GALNTL6: variants seen among roughly 807,000 people sequenced by gnomAD.
The protein encoded by GALNTL6 is polypeptide N-acetylgalactosaminyltransferase like 6.
A neutral mutation model predicts 73.7 loss-of-function variants in GALNTL6; 46 were observed. The observed-to-expected ratio is 0.62, with a 90% CI of 0.49 to 0.80. The LOEUF (loss-of-function observed/expected upper bound fraction) is 0.80. GALNTL6 is among the 30% of genes least tolerant of loss of function. The pLI is 0.00. For synonymous variants in GALNTL6, 259 were observed against 263.7 expected, an observed-to-expected ratio of 0.98 and a Z score of 0.17; for missense variants, 604 against 755.0, an observed-to-expected ratio of 0.80 and a Z score of 2.34.
At chr4:172,450,243 C>G (rs1041483904) in intron 5 of GALNTL6, among the ~76,000 whole-genome samples, 1 of 151,554 alleles carries the variant, frequency 6.6e-6, no homozygotes, top group South Asian at 2.1e-4. Flanking sequence ...AACAAACTTC[C>G]TCCCCCTAAA....
At chr4:172,339,244 A>C (rs1741457970) in intron 4 of GALNTL6, among the ~76,000 whole-genome samples, 1 of 139,722 alleles carries the variant, frequency 7.2e-6, no homozygotes, top group African/African-American at 2.7e-5. Flanking sequence ...CACCCAGCAA[A>C]CACACACACA....
At chr4:172,995,433 C>T (rs1751734697) in intron 10 of GALNTL6, among the ~76,000 whole-genome samples, 1 of 152,166 alleles carries the variant, frequency 6.6e-6, no homozygotes, top group African/African-American at 2.4e-5. Flanking sequence ...CTGTGGCTTT[C>T]CTTCAAAGCA....
intron 5 of GALNTL6, among the ~76,000 whole-genome samples, chr4:172,534,414 T>C (rs537024749): frequency 2.1e-4 from 32 of 152,212 alleles, no homozygotes; most frequent in South Asian, 8.3e-4. Flanking sequence ...CTTGAAATTT[T>C]ATTTTCTGTG....
intron 5 of GALNTL6, among the ~76,000 whole-genome samples, chr4:172,466,268 A>G (rs1194380589): frequency 6.6e-6 from 1 of 152,176 alleles, no homozygotes; most frequent in Non-Finnish European, 1.5e-5. Flanking sequence ...CTTAAAATTT[A>G]TTTTTGAAAA....
At chr4:172,770,423 T>C (rs1031776845) in intron 5 of GALNTL6, among the ~76,000 whole-genome samples, 2 of 152,070 alleles carry the variant, frequency 1.3e-5, no homozygotes, top group African/African-American at 2.4e-5. Context: ...TAATCAACAA[T>C]AGCAAAAAAG....
At chr4:172,424,592 G>A (rs568620821) in intron 5 of GALNTL6, among the ~76,000 whole-genome samples, 3 of 152,252 alleles carry the variant, frequency 2.0e-5, no homozygotes, top group South Asian at 2.1e-4. Context: ...TTCAGTGGGC[G>A]GAGGGTATGG....
intron 2 of GALNTL6, among the ~76,000 whole-genome samples, chr4:172,072,906 C>A (rs965420837): frequency 6.6e-6 from 1 of 152,144 alleles, no homozygotes; most frequent in East Asian, 1.9e-4. Flanking sequence ...AAAATATCAA[C>A]TTTCTGAATT....
intron 2 of GALNTL6, among the ~76,000 whole-genome samples, chr4:171,883,221 C>T (rs926693920): frequency 1.3e-5 from 2 of 151,836 alleles, no homozygotes; most frequent in Non-Finnish European, 1.5e-5. Flanking sequence ...CTCATGGTGG[C>T]GCACCCTGTA....
At chr4:173,021,431 C>A in intron 11 of GALNTL6, 45 bp from the exon 12 acceptor site, 1 of 1,607,270 alleles carries the variant, frequency 6.2e-7, no homozygotes, top group East Asian at 2.2e-5. Context: ...ATCTTCTCTC[C>A]AAAACAAACT....
chr4:172,463,827 A>AT (rs1322459820), intron 5 of GALNTL6, among the ~76,000 whole-genome samples: 1 of 152,148 alleles, frequency 6.6e-6, no homozygotes, highest in Non-Finnish European at 1.5e-5. Context: ...TACTTGCATG[A>AT]TTTTCTATTG....
intron 5 of GALNTL6, among the ~76,000 whole-genome samples, chr4:172,709,577 T>C (rs1259451609): frequency 6.6e-6 from 1 of 152,120 alleles, no homozygotes; most frequent in Non-Finnish European, 1.5e-5. Context: ...TTGATGTGTT[T>C]ATTCTCTGAA....
In GALNTL6 at chr4:172,206,805, G is replaced by GTTTGAT. The variant is rs1554003003; in HGVS notation, c.139-22848_139-22847insGATTTT. ...TTGTTTTGTTTTGTTTTGTTTTTCTGTTTTTTTTGTTTGTTTTTTTTTTTT... is the reference window on the plus strand; with the variant it reads ...TTGTTTTGTTTTGTTTTGTTTTTCTGTTTGATTTTTTTTTGTTTGTTTTTTTTTTTT... On this transcript the variant is annotated intron_variant, in intron 2 of 12. Transcript: ENST00000506823. Among the ~76,000 whole-genome samples, 2 of 26,130 alleles carry GTTTGAT rather than the reference G, an allele frequency of 7.7e-5. 1 individual carries two copies. Among genetic ancestry groups the GTTTGAT allele is most frequent in the Non-Finnish European group, 1.7e-4 (2 of 11,868 alleles). 17.1% of individuals were successfully genotyped at this position (26,130 alleles called of 152,430 possible).
chr4:172,081,463 C>T (rs1041171066), intron 2 of GALNTL6, among the ~76,000 whole-genome samples: 2 of 152,138 alleles, frequency 1.3e-5, no homozygotes, highest in Non-Finnish European at 2.9e-5. Context: ...CATGGTGAAA[C>T]CCCGTCTCTA....
intron 5 of GALNTL6, among the ~76,000 whole-genome samples, chr4:172,781,706 C>T (rs906242099): frequency 2.0e-5 from 3 of 151,912 alleles, no homozygotes; most frequent in Non-Finnish European, 4.4e-5. Flanking sequence ...GATTATTTTT[C>T]CAAAGGTTTT....
chr4:172,711,530 T>A (rs536750782), intron 5 of GALNTL6, among the ~76,000 whole-genome samples: 84 of 152,208 alleles, frequency 5.5e-4, no homozygotes, highest in African/African-American at 2.0e-3. Flanking sequence ...GGAGTCAAAA[T>A]TGAATGTGTG....
At chr4:171,992,222 G>A (rs1740358748) in intron 2 of GALNTL6, among the ~76,000 whole-genome samples, 1 of 151,886 alleles carries the variant, frequency 6.6e-6, no homozygotes, top group South Asian at 2.1e-4. Context: ...AATTCAACTT[G>A]CTGACAAAAG....
chr4:172,359,263 TG>T (rs1742281840), intron 5 of GALNTL6, among the ~76,000 whole-genome samples: 1 of 152,168 alleles, frequency 6.6e-6, no homozygotes, highest in African/African-American at 2.4e-5. Flanking sequence ...CCATTATCCT[TG>T]GCAGACTAAC....
At chr4:172,008,795 C>T (rs1407806592) in intron 2 of GALNTL6, among the ~76,000 whole-genome samples, 1 of 152,078 alleles carries the variant, frequency 6.6e-6, no homozygotes, top group East Asian at 1.9e-4. Context: ...TTTCCACATC[C>T]TTATGCAGAG....
At chr4:172,352,869 A>G (rs1741988274) in intron 5 of GALNTL6, among the ~76,000 whole-genome samples, 2 of 152,072 alleles carry the variant, frequency 1.3e-5, no homozygotes, top group Admixed American at 1.3e-4. Flanking sequence ...TTTCAGAAAG[A>G]TCTGTTATTC....
Sources: allele counts gnomAD v4.1 joint callset (sites outside exome capture counted in the v4.1 genomes callset), GRCh38; gene constraint gnomAD v4.1.1; transcripts MANE v1.5; gene names NCBI Gene and HGNC (gene_info 2026-07-23, HGNC 2026-07-21).